SLCO3A1: variants seen among roughly 807,000 people sequenced by gnomAD.
SLCO3A1 encodes solute carrier organic anion transporter family member 3A1, also known as PGE1 transporter.
Under a neutral mutation model 63.1 loss-of-function variants are expected in SLCO3A1, and 27 were observed. That is an observed-to-expected ratio of 0.43 (90% CI 0.32 to 0.59). SLCO3A1 has a LOEUF of 0.59. Ranked by LOEUF, SLCO3A1 falls within the 20% of genes least tolerant of loss-of-function variation. The probability of loss-of-function intolerance (pLI) is 0.09; values close to 1 mark genes in which losing one functional copy is unlikely to be tolerated. For synonymous variants in SLCO3A1, 473 were observed against 409.9 expected (o/e 1.15, Z -1.86); for missense variants, 773 against 945.8 (o/e 0.82, Z 2.40).
rs990944163 is a variant in SLCO3A1 at position 91,882,640 on chromosome 15, G to A, written c.180+28552G>A. On this transcript the variant is annotated intron_variant, in intron 1 of 9. Coordinates refer to ENST00000318445, the MANE Select transcript of SLCO3A1 (RefSeq NM_013272.4). This position sits in a 1 kb window ranked among gnomAD's most constrained non-coding sequence, Gnocchi z 4.4. ...AGCGATTCTCTTGCTTCAGCCTCCCGAGTAGCTGGGACCACAGGCGTATGC... is the reference window on the plus strand; with the variant it reads ...AGCGATTCTCTTGCTTCAGCCTCCCAAGTAGCTGGGACCACAGGCGTATGC... Among the ~76,000 whole-genome samples, 4 of 152,164 alleles carry A rather than the reference G, an allele frequency of 2.6e-5. No homozygotes were observed. The highest frequency in any genetic ancestry group is 2.1e-4 in the South Asian group (1 of 4,822).
intron 2 of SLCO3A1, among the ~76,000 whole-genome samples, chr15:91,959,338 G>A (rs762396626): frequency 1.3e-5 from 2 of 152,018 alleles, no homozygotes; most frequent in East Asian, 1.9e-4. Flanking sequence ...AACACTGCTC[G>A]GGTGATGGGT....
intron 2 of SLCO3A1, among the ~76,000 whole-genome samples, chr15:91,930,806 CCT>C (rs34076571): frequency 0.22 from 32,943 of 152,074 alleles, 3,695 homozygotes; most frequent in Middle Eastern, 0.26. Flanking sequence ...CAAAACAACC[CCT>C]GAGTTAGTTT....
intron 2 of SLCO3A1, among the ~76,000 whole-genome samples, chr15:91,983,751 G>A (rs1487768669): frequency 6.6e-6 from 1 of 152,164 alleles, no homozygotes; most frequent in Non-Finnish European, 1.5e-5. Flanking sequence ...AGAGATCAAC[G>A]TGGAATGTGC....
intron 5 of SLCO3A1, among the ~76,000 whole-genome samples, chr15:92,124,237 G>C (rs1228542821): frequency 6.6e-6 from 1 of 152,178 alleles, no homozygotes; most frequent in East Asian, 1.9e-4. Context: ...AAGATAAAAA[G>C]GACTCAATCT....
chr15:92,012,789 C>A (rs1054198282), intron 2 of SLCO3A1, among the ~76,000 whole-genome samples: 4 of 150,116 alleles, frequency 2.7e-5, no homozygotes, highest in Non-Finnish European at 5.9e-5. Flanking sequence ...TAACTCTAGG[C>A]CCTGCTCGAC....
chr15:92,006,535 T>C (rs982040166), intron 2 of SLCO3A1, among the ~76,000 whole-genome samples: 2 of 152,206 alleles, frequency 1.3e-5, no homozygotes, highest in Non-Finnish European at 2.9e-5. Flanking sequence ...GGTGACTGTT[T>C]CCTACTTTGA....
chr15:92,142,667 T>C (rs2048149506), intron 7 of SLCO3A1, among the ~76,000 whole-genome samples: 1 of 152,234 alleles, frequency 6.6e-6, no homozygotes, highest in Admixed American at 6.5e-5. Context: ...TTAACCCTGC[T>C]GTCTGCTCGC....
At chr15:91,984,676 A>G (rs1262167710) in intron 2 of SLCO3A1, among the ~76,000 whole-genome samples, 4 of 152,230 alleles carry the variant, frequency 2.6e-5, no homozygotes, top group Non-Finnish European at 4.4e-5. Flanking sequence ...TGATGGCTTT[A>G]TACTGTCATC....
Position 91,880,297 on chromosome 15 carries a change from A to G in SLCO3A1, c.180+26209A>G, listed in dbSNP as rs185730544. Among the ~76,000 whole-genome samples the G allele has an allele frequency of 2.6e-5, 4 of 152,110 alleles. No individual in the cohort carries two copies. The East Asian group carries it at 7.7e-4, about 29-fold the overall frequency. On this transcript the variant is annotated intron_variant, in intron 1 of 9. Coordinates refer to ENST00000318445, the MANE Select transcript of SLCO3A1 (RefSeq NM_013272.4). Reference sequence around the variant, plus strand: ...TCTCCCCCAATAGTAACATATTGCAAAACTGTAGTATAACACCACAATTAG... The same window carrying G: ...TCTCCCCCAATAGTAACATATTGCAGAACTGTAGTATAACACCACAATTAG...
intron 7 of SLCO3A1, among the ~76,000 whole-genome samples, chr15:92,146,080 A>C (rs2048218308): frequency 6.6e-6 from 1 of 152,214 alleles, no homozygotes; most frequent in Non-Finnish European, 1.5e-5. Flanking sequence ...AAAGCCAAGC[A>C]GTCCTGGAAG....
intron 2 of SLCO3A1, among the ~76,000 whole-genome samples, chr15:91,919,752 G>A (rs1464602205): frequency 6.6e-6 from 1 of 151,488 alleles, no homozygotes; most frequent in African/African-American, 2.4e-5. Context: ...TCATTAGGTT[G>A]CCCCCCTTTT....
intron 1 of SLCO3A1, among the ~76,000 whole-genome samples, chr15:91,893,495 C>G (rs1007661495): frequency 6.6e-6 from 1 of 152,182 alleles, no homozygotes; most frequent in Non-Finnish European, 1.5e-5. Flanking sequence ...CCTCACCAGG[C>G]CAAAGGGTGT....
chr15:91,951,558 CTT>C (rs527858153), intron 2 of SLCO3A1, among the ~76,000 whole-genome samples: 62 of 138,050 alleles, frequency 4.5e-4, no homozygotes, highest in African/African-American at 5.6e-4. Flanking sequence ...TTTTTCTTTT[CTT>C]TTTTTTTTTT....
In SLCO3A1 at chr15:91,991,355, T is replaced by C. The variant is rs559886364; in HGVS notation, c.646+74897T>C. On this transcript the variant is annotated intron_variant, in intron 2 of 9. Coordinates refer to ENST00000318445, the MANE Select transcript of SLCO3A1 (RefSeq NM_013272.4). ...TAGTGTGGGCAACAGAACGAAACCA[T>C]GTCTCAAAAAAAAAAATTGCCCAAT... Among the ~76,000 whole-genome samples, 5 of 151,756 alleles carry C rather than the reference T, an allele frequency of 3.3e-5. 1 individual carries two copies. In the East Asian group the frequency reaches 9.7e-4, roughly 29 times the overall value.
chr15:92,045,545 A>G (rs1408141811), intron 2 of SLCO3A1, among the ~76,000 whole-genome samples: 1 of 152,186 alleles, frequency 6.6e-6, no homozygotes, highest in East Asian at 1.9e-4. Flanking sequence ...TTGTCTTAAA[A>G]TAGCATTTTT....
intron 2 of SLCO3A1, among the ~76,000 whole-genome samples, chr15:91,953,672 A>G (rs994491935): frequency 2.0e-5 from 3 of 151,932 alleles, no homozygotes; most frequent in African/African-American, 7.3e-5. Context: ...GGCAGTGGGA[A>G]TTTCCCACCT....
chr15:91,886,745 G>A lies in SLCO3A1; in HGVS notation c.181-29248G>A, dbSNP rs953703264. On this transcript the variant is annotated intron_variant, in intron 1 of 9. Transcript: ENST00000318445. The surrounding 1 kb of genome is among the most constrained non-coding windows in gnomAD (Gnocchi z 4.9). ...CTCAACTCCAGACAATAATTCAGGG[G>A]TACGATGTGATGGCCCTCTGTTGAT... Among the ~76,000 whole-genome samples the A allele has an allele frequency of 2.0e-5, 3 of 152,206 alleles. No individual in the cohort carries two copies. Among genetic ancestry groups the A allele is most frequent in the Non-Finnish European group, 4.4e-5 (3 of 68,040 alleles).
rs1897958144 is a variant in SLCO3A1, at chr15:91,894,652, A to G, written c.181-21341A>G. Among the ~76,000 whole-genome samples, 2 of 152,182 alleles carry G rather than the reference A, an allele frequency of 1.3e-5. No individual in the cohort carries two copies. The highest frequency in any genetic ancestry group is 2.4e-5 in the African/African-American group (1 of 41,446). ...CAGCATTTTTGACTTGAATGTTCAT[A>G]TGTACCACTGGGGATCTTGGTAAAA... On this transcript the variant is annotated intron_variant, in intron 1 of 9. Coordinates refer to ENST00000318445, the MANE Select transcript of SLCO3A1 (RefSeq NM_013272.4). The surrounding 1 kb of genome is among the most constrained non-coding windows in gnomAD (Gnocchi z 4.8).
At position 91,941,123 on chromosome 15, in the gene SLCO3A1, C is replaced by A. The variant is rs1899605437; in HGVS notation, c.646+24665C>A. Among the ~76,000 whole-genome samples, 1 of 152,184 alleles carries A rather than the reference C, an allele frequency of 6.6e-6. No individual in the cohort carries two copies. Among genetic ancestry groups the A allele is most frequent in the Admixed American group, 6.5e-5 (1 of 15,286 alleles). ...GGCCGTGCAATTAGAGGTTGTTAGG[C>A]AGCTACAATGGGAAATTAATTCTGT... On this transcript the variant is annotated intron_variant, in intron 2 of 9. Coordinates refer to ENST00000318445, the MANE Select transcript of SLCO3A1 (RefSeq NM_013272.4). The surrounding 1 kb of genome is among the most constrained non-coding windows in gnomAD (Gnocchi z 4.4).
Sources: gnomAD v4.1 joint callset for allele counts (sites outside exome capture counted in the v4.1 genomes callset) on GRCh38, gnomAD v4.1.1 for gene constraint, Gnocchi (gnomAD v3.1) non-coding constraint, MANE v1.5 for transcripts, NCBI Gene and HGNC (gene_info 2026-07-23, HGNC 2026-07-21) for gene names.